CAST: variants seen among roughly 807,000 people sequenced by gnomAD.
The protein encoded by CAST is MIR583 host.
In CAST, 76 loss-of-function variants were observed where a neutral mutation model predicts 119.6. The ratio of observed to expected loss-of-function variants is 0.64; its 90% CI spans 0.53 to 0.77. The LOEUF is 0.77. CAST is among the 30% of genes least tolerant of loss of function. CAST has a pLI of 0.00. For synonymous variants in CAST, 319 were observed against 331.6 expected, an observed-to-expected ratio of 0.96 and a Z score of 0.41; for missense variants, 953 against 946.5, an observed-to-expected ratio of 1.01 and a Z score of -0.09.
chr5:96,210,424 A>T, the CAST span, among the ~76,000 whole-genome samples: 1 of 152,068 alleles, frequency 6.6e-6, no homozygotes, highest in Admixed American at 6.6e-5. Flanking sequence ...CAATTGCTCC[A>T]GTGCCATATA....
At chr5:96,683,820 A>C (rs2150272162) in intron 2 of CAST, among the ~76,000 whole-genome samples, 1 of 152,374 alleles carries the variant, frequency 6.6e-6, no homozygotes, top group East Asian at 1.9e-4. Flanking sequence ...AACTCCTGGC[A>C]TTATGTAGAC....
chr5:96,526,052 C>A (rs1169755032), upstream of CAST, among the ~76,000 whole-genome samples: 1 of 148,488 alleles, frequency 6.7e-6, no homozygotes, highest in Non-Finnish European at 1.5e-5. Context: ...TGCACTAGTA[C>A]CTCATAACTG....
At chr5:96,452,640 TAAAAAAAAAAAAAA>T in the CAST span, among the ~76,000 whole-genome samples, 1 of 90,140 alleles carries the variant, frequency 1.1e-5, no homozygotes, top group Non-Finnish European at 2.0e-5. Context: ...TAAAGTATAA[TAAAAAAAAAAAAAA>T]AAAAAAAAAA....
the CAST span, among the ~76,000 whole-genome samples, chr5:96,510,004 T>A: frequency 0.2 from 30,033 of 151,942 alleles, 3,212 homozygotes; most frequent in Admixed American, 0.27. Context: ...GATTTTTTTT[T>A]AAAAAAATAA....
At chr5:96,244,394 G>A in the CAST span, among the ~76,000 whole-genome samples, 3 of 152,002 alleles carry the variant, frequency 2.0e-5, no homozygotes, top group Non-Finnish European at 4.4e-5. Context: ...TATTGTTCTG[G>A]GAAATATGGT....
Position 96,736,235 on chromosome 5 carries a change from G to A in CAST, c.694G>A (p.Gly232Arg), listed in dbSNP as rs1761614594. 6.2e-7 allele frequency: 1 copy of A among 1,603,766 alleles called. No individual in the cohort carries two copies. The highest frequency in any genetic ancestry group is 8.5e-7 in the Non-Finnish European group (1 of 1,171,286). Residue 232 changes from glycine (G) to arginine (R), a missense_variant, in exon 10 of 32, where the codon GGA becomes AGA. Physicochemically the swap from Gly to Arg is moderately radical, Grantham distance 125. Transcript: ENST00000675179. The stretch of plus-strand genomic sequence containing the variant: ...TGAATCTAAACCGGATAAACCATCG[G>A]GAAAGGTATGAAGACAACAGTGTCC... ...PVESKPDKPSGKSGMDAALDD... is the reference protein window; with the variant it reads ...PVESKPDKPSRKSGMDAALDD...
the CAST span, among the ~76,000 whole-genome samples, chr5:96,033,124 A>T: frequency 1.3e-5 from 2 of 152,158 alleles, no homozygotes; most frequent in African/African-American, 4.8e-5. Context: ...TAAGGAGATG[A>T]AAGATCTCTA....
chr5:96,581,073 T>C (rs975401784), intron 1 of CAST, among the ~76,000 whole-genome samples: 3 of 152,254 alleles, frequency 2.0e-5, no homozygotes, highest in African/African-American at 7.2e-5. Context: ...GTTCATGTTG[T>C]TTATAAGCTA....
chr5:96,683,007 C>G (rs1214499621), intron 2 of CAST, among the ~76,000 whole-genome samples: 1 of 152,100 alleles, frequency 6.6e-6, no homozygotes, highest in East Asian at 1.9e-4. Context: ...CTGAACGCAC[C>G]AGATTTCTGC....
At chr5:96,413,182 A>G in the CAST span, among the ~76,000 whole-genome samples, 1 of 152,198 alleles carries the variant, frequency 6.6e-6, no homozygotes, top group Non-Finnish European at 1.5e-5. Context: ...TATTCTTCTA[A>G]ATAATCTCAA....
At chr5:95,965,306 A>C in the CAST span, 2 of 152,186 alleles carry the variant, frequency 1.3e-5, no homozygotes, top group East Asian at 3.8e-4. Context: ...GTAACACTTA[A>C]GTTAAAAATT....
the CAST span, among the ~76,000 whole-genome samples, chr5:96,492,598 G>T: frequency 6.6e-6 from 1 of 152,052 alleles, no homozygotes; most frequent in East Asian, 1.9e-4. Context: ...TGTGTATTCT[G>T]GTTTCTTTTT....
At chr5:96,278,041 T>G in the CAST span, among the ~76,000 whole-genome samples, 5 of 152,114 alleles carry the variant, frequency 3.3e-5, no homozygotes, top group African/African-American at 1.2e-4. Flanking sequence ...AATAGAGTTT[T>G]TTTTTTTCAA....
At chr5:96,416,850 G>A in the CAST span, among the ~76,000 whole-genome samples, 3,773 of 152,296 alleles carry the variant, frequency 0.025, 153 homozygotes, top group African/African-American at 0.086. Flanking sequence ...AGAAAAATGC[G>A]TCTTCCAAAC....
chr5:96,530,472 T>C (rs528017110), intron 1 of CAST, among the ~76,000 whole-genome samples: 1 of 152,058 alleles, frequency 6.6e-6, no homozygotes, highest in Non-Finnish European at 1.5e-5. Context: ...AAGTAGGCAA[T>C]TGGATAAAGA....
At chr5:96,276,427 A>G in the CAST span, among the ~76,000 whole-genome samples, 20 of 152,250 alleles carry the variant, frequency 1.3e-4, no homozygotes, top group Admixed American at 5.2e-4. Context: ...TACATATGTT[A>G]TTTTATTTGG....
At chr5:96,452,711 G>A in the CAST span, among the ~76,000 whole-genome samples, 1 of 144,234 alleles carries the variant, frequency 6.9e-6, no homozygotes, top group Non-Finnish European at 1.5e-5. Context: ...AGCACTTTGG[G>A]AGGCCGAGGC....
In CAST at chr5:96,727,549, T is replaced by C; in HGVS notation, c.378+19T>C. 1 of 1,489,486 alleles carries C rather than the reference T, an allele frequency of 6.7e-7. No homozygotes were observed. The highest frequency in any genetic ancestry group is 9.2e-7 in the Non-Finnish European group (1 of 1,087,996). The allele number at this position is 1,489,486 out of a possible 1,614,324, so 92.3% of individuals were successfully genotyped here. A position where few individuals can be genotyped will look rare whatever the true frequency, so the allele number is the denominator to read the frequency against. ...AACCAAGGTAAATAGTTTAAGTCTG[T>C]TAGTTAGTTATTTGGATTCTTTTTA... On this transcript the variant is annotated intron_variant, in intron 6 of 31. Transcript: ENST00000675179.
the CAST span, among the ~76,000 whole-genome samples, chr5:96,184,215 A>G: frequency 1.3e-5 from 2 of 152,120 alleles, no homozygotes; most frequent in African/African-American, 4.8e-5. Context: ...CCAGGATCCC[A>G]ACTCATTTTT....
Sources: allele counts gnomAD v4.1 joint callset (sites outside exome capture counted in the v4.1 genomes callset), GRCh38; gene constraint gnomAD v4.1.1; transcripts MANE v1.5; gene names NCBI Gene and HGNC (gene_info 2026-07-23, HGNC 2026-07-21).